The following CNBD1 variants were observed in gnomAD, a reference collection of about 807,000 sequenced individuals.
The protein encoded by CNBD1 is cyclic nucleotide-binding domain-containing protein 1.
In CNBD1, 71 loss-of-function variants were observed where a neutral mutation model predicts 54.4. The ratio of observed to expected loss-of-function variants is 1.30; its 90% CI spans 1.08 to 1.59. CNBD1 has a LOEUF of 1.59. Ranked by LOEUF, CNBD1 falls within the 40% of genes most tolerant of loss-of-function variation. The pLI, the probability that CNBD1 is intolerant of heterozygous loss-of-function variation, is 0.00. For missense variants in CNBD1, 659 were observed against 518.0 expected (o/e 1.27, Z -2.64); for synonymous variants, 182 against 170.7 (o/e 1.07, Z -0.51).
At chr8:87,035,126 C>T (rs1449849249) in intron 4 of CNBD1, among the ~76,000 whole-genome samples, 1 of 152,016 alleles carries the variant, frequency 6.6e-6, no homozygotes, top group African/African-American at 2.4e-5. Flanking sequence ...TGAAACCAGA[C>T]TAGTTTTTTC....
intron 4 of CNBD1, among the ~76,000 whole-genome samples, chr8:86,994,444 A>G (rs1808824761): frequency 6.6e-6 from 1 of 152,172 alleles, no homozygotes; most frequent in African/African-American, 2.4e-5. Context: ...GCTAGAGCTA[A>G]TTGGAGAGAG....
intron 8 of CNBD1, among the ~76,000 whole-genome samples, chr8:87,288,112 T>C (rs1160671011): frequency 6.6e-6 from 1 of 152,070 alleles, no homozygotes; most frequent in African/African-American, 2.4e-5. Flanking sequence ...CAGAACCAGT[T>C]TGATACCTCC....
At chr8:86,965,886 G>A (rs958721411) in intron 4 of CNBD1, among the ~76,000 whole-genome samples, 1 of 152,080 alleles carries the variant, frequency 6.6e-6, no homozygotes, top group Non-Finnish European at 1.5e-5. Context: ...AGGAGGCCCT[G>A]GAGAGGGTGG....
At chr8:87,375,485 T>C (rs1289587973) in intron 10 of CNBD1, among the ~76,000 whole-genome samples, 1 of 151,786 alleles carries the variant, frequency 6.6e-6, no homozygotes, top group Admixed American at 6.6e-5. Context: ...ATCAGTGACT[T>C]TACTGAGAAA....
intron 8 of CNBD1, among the ~76,000 whole-genome samples, chr8:87,343,769 C>G (rs1180506824): frequency 6.6e-6 from 1 of 152,016 alleles, no homozygotes; most frequent in Non-Finnish European, 1.5e-5. Context: ...TATGGGTTTT[C>G]ATAATTTAAT....
chr8:86,984,845 A>T (rs936818379), intron 4 of CNBD1, among the ~76,000 whole-genome samples: 1 of 152,154 alleles, frequency 6.6e-6, no homozygotes, highest in Non-Finnish European at 1.5e-5. Context: ...CTCAAGTGAG[A>T]CTTTAGACTG....
At position 87,097,470 on chromosome 8, in the gene CNBD1, A is replaced by C. The variant is rs563509091; in HGVS notation, c.432-108523A>C. 4.6e-5 allele frequency among the ~76,000 whole-genome samples: 7 copies of C among 152,300 alleles called. No homozygotes were observed. The South Asian group carries it at 6.2e-4, about 14-fold the overall frequency. ...AATACTTCGATGTGTACCAAGAAAA[A>C]CATTTATGTTTCTTCACTTGACAAG... On this transcript the variant is annotated intron_variant, in intron 4 of 10. Transcript: ENST00000518476.
In CNBD1 at chr8:87,286,794, A is replaced by G; in HGVS notation, c.1042+123A>G. On this transcript the variant is annotated intron_variant, in intron 8 of 10. Transcript: ENST00000518476. ...ATATAAATATTCTCTAATTTATTTG[A>G]TAATAACATTTGAATTGGACATTTA... The G allele has an allele frequency of 4.2e-6, 3 of 714,044 alleles. No homozygotes were observed. In the South Asian group the frequency reaches 5.4e-5, roughly 13 times the overall value. 44.2% of individuals were successfully genotyped at this position (714,044 alleles called of 1,614,324 possible). A position where few individuals can be genotyped will look rare whatever the true frequency, so the allele number is the denominator to read the frequency against.
chr8:87,015,206 T>C (rs1246113036), intron 4 of CNBD1, among the ~76,000 whole-genome samples: 1 of 152,158 alleles, frequency 6.6e-6, no homozygotes, highest in Non-Finnish European at 1.5e-5. Flanking sequence ...AACGGAGTCT[T>C]GCTGTGTTGC....
intron 10 of CNBD1, among the ~76,000 whole-genome samples, chr8:87,376,393 T>C (rs1810937206): frequency 6.6e-6 from 1 of 151,788 alleles, no homozygotes; most frequent in South Asian, 2.1e-4. Flanking sequence ...AGCACCTAAT[T>C]ACTTGCCAGA....
intron 10 of CNBD1, among the ~76,000 whole-genome samples, chr8:87,376,455 T>G (rs1810939424): frequency 6.6e-6 from 1 of 151,842 alleles, no homozygotes; most frequent in Non-Finnish European, 1.5e-5. Context: ...ACCTATGAAT[T>G]TTTGAGGGAT....
intron 8 of CNBD1, among the ~76,000 whole-genome samples, chr8:87,343,608 C>CA (rs1212006508): frequency 6.6e-6 from 1 of 152,112 alleles, no homozygotes; most frequent in Non-Finnish European, 1.5e-5. Context: ...TTTAGGCTTT[C>CA]AATTAAGGAG....
At chr8:87,083,845 C>T (rs1383872792) in intron 4 of CNBD1, among the ~76,000 whole-genome samples, 1 of 152,086 alleles carries the variant, frequency 6.6e-6, no homozygotes, top group African/African-American at 2.4e-5. Flanking sequence ...GCCTCGGCCT[C>T]CCAAAGTGCT....
intron 3 of CNBD1, among the ~76,000 whole-genome samples, chr8:86,920,476 T>A (rs1477432056): frequency 6.6e-6 from 1 of 152,154 alleles, no homozygotes; most frequent in Admixed American, 6.5e-5. Context: ...TGGCCACCAC[T>A]ATACCACCAA....
chr8:87,300,550 C>T (rs908963199), intron 8 of CNBD1, among the ~76,000 whole-genome samples: 2 of 152,240 alleles, frequency 1.3e-5, no homozygotes, highest in Admixed American at 1.3e-4. Flanking sequence ...TAATTGAAGA[C>T]ATTAGAAAAT....
At chr8:87,350,186 A>G (rs10097102) in intron 8 of CNBD1, among the ~76,000 whole-genome samples, 61,616 of 151,972 alleles carry the variant, frequency 0.41, 12,785 homozygotes, top group Middle Eastern at 0.47. Context: ...GTGAGAAAAT[A>G]TTTCACATAA....
chr8:87,023,158 C>T (rs1809524725), intron 4 of CNBD1, among the ~76,000 whole-genome samples: 1 of 152,122 alleles, frequency 6.6e-6, no homozygotes, highest in Admixed American at 6.5e-5. Flanking sequence ...AGAATTTATA[C>T]TAATGTTCAT....
At chr8:87,409,427 T>C (rs1157047985) in intron 2 of CNBD1, among the ~76,000 whole-genome samples, 2 of 152,176 alleles carry the variant, frequency 1.3e-5, no homozygotes, top group Non-Finnish European at 2.9e-5. Context: ...GCCATCTCCA[T>C]AACATAAAAC....
At chr8:86,901,946 C>T (rs1272494525) in intron 2 of CNBD1, among the ~76,000 whole-genome samples, 1 of 152,080 alleles carries the variant, frequency 6.6e-6, no homozygotes, top group African/African-American at 2.4e-5. Flanking sequence ...TAGATTTTGC[C>T]TCTGATGAGA....
Sources: gnomAD v4.1 joint callset for allele counts (sites outside exome capture counted in the v4.1 genomes callset) on GRCh38, gnomAD v4.1.1 for gene constraint, MANE v1.5 for transcripts, NCBI Gene and HGNC (gene_info 2026-07-23, HGNC 2026-07-21) for gene names.